KIF1B: variants seen among roughly 807,000 people sequenced by gnomAD.
KIF1B encodes kinesin-like protein KIF1B.
Under a neutral mutation model 241.9 loss-of-function variants are expected in KIF1B, and 76 were observed. That is an observed-to-expected ratio of 0.31 (90% CI 0.26 to 0.38). The LOEUF (loss-of-function observed/expected upper bound fraction) is 0.38, where lower values mean the gene tolerates loss of function less well. Ranked by LOEUF, KIF1B falls within the 10% of genes least tolerant of loss-of-function variation. The pLI, the probability that KIF1B is intolerant of heterozygous loss-of-function variation, is 1.00. For synonymous variants in KIF1B, 750 were observed against 796.7 expected, an observed-to-expected ratio of 0.94 and a Z score of 0.99; for missense variants, 1,622 against 2,271.4, an observed-to-expected ratio of 0.71 and a Z score of 5.81.
At chr1:10,362,949 G>C (rs750916362) in intron 40 of KIF1B, among the ~76,000 whole-genome samples, 4 of 152,106 alleles carry the variant, frequency 2.6e-5, no homozygotes, top group Non-Finnish European at 5.9e-5. Context: ...GTGTATGCCT[G>C]AAGTCCCAAC....
Position 10,312,330 on chromosome 1 carries a change from G to C in KIF1B, c.2116-7713G>C, listed in dbSNP as rs1411454960. Among the ~76,000 whole-genome samples, 3 of 151,376 alleles carry C rather than the reference G, an allele frequency of 2.0e-5. No individual in the cohort carries two copies. The East Asian group carries it at 5.8e-4, about 29-fold the overall frequency. On this transcript the variant is annotated intron_variant, in intron 22 of 48. Coordinates refer to ENST00000676179, the MANE Select transcript of KIF1B (RefSeq NM_001365951.3). ...GACTCCATCTCTTTTCACCACCTTT[G>C]CTGCTAATAACCTGGTCCAAGCCAC... is the stretch of plus-strand genomic sequence containing the variant.
chr1:10,353,870 C>G (rs954091154), intron 38 of KIF1B, among the ~76,000 whole-genome samples: 8 of 152,090 alleles, frequency 5.3e-5, no homozygotes, highest in Non-Finnish European at 1.2e-4. Flanking sequence ...AAATCACGAG[C>G]AATACTATTT....
At chr1:10,344,701 G>A (rs1652525285) in intron 34 of KIF1B, 1 of 152,190 alleles carries the variant, frequency 6.6e-6, no homozygotes, top group Non-Finnish European at 1.5e-5. Context: ...GCTGAATACT[G>A]CTGATAGGGT....
At chr1:10,266,262 G>T (rs1035578516) in intron 5 of KIF1B, among the ~76,000 whole-genome samples, 2 of 152,180 alleles carry the variant, frequency 1.3e-5, no homozygotes, top group Admixed American at 6.5e-5. Context: ...CAAGCCATTC[G>T]CAAGACTATT....
At chr1:10,322,263 G>A (rs1049163007) in intron 24 of KIF1B, among the ~76,000 whole-genome samples, 1 of 152,148 alleles carries the variant, frequency 6.6e-6, no homozygotes, top group Non-Finnish European at 1.5e-5. Context: ...AGGCACTGCT[G>A]TGTAGTGGAC....
rs1297613478 is a variant in KIF1B, at chr1:10,356,616, A to G, written c.4055+3880A>G. Reference sequence around the variant, plus strand: ...AGATGCTTTAAAAAAAGAAAAAAAAATGCGGCCGGGCACGGTGGCTCACAC... The same window carrying G: ...AGATGCTTTAAAAAAAGAAAAAAAAGTGCGGCCGGGCACGGTGGCTCACAC... On this transcript the variant is annotated intron_variant, in intron 38 of 48. Transcript: ENST00000676179. Among the ~76,000 whole-genome samples the G allele has an allele frequency of 4.6e-5, 7 of 151,670 alleles. No homozygotes were observed. The East Asian group carries it at 7.8e-4, about 17-fold the overall frequency.
chr1:10,349,636 T>TC (rs1553169198), intron 37 of KIF1B, among the ~76,000 whole-genome samples: 4 of 151,928 alleles, frequency 2.6e-5, no homozygotes, highest in African/African-American at 9.7e-5. Context: ...TTTTTTTTTT[T>TC]TCCAGACACA....
At chr1:10,240,069 A>G (rs573296024) in intron 2 of KIF1B, among the ~76,000 whole-genome samples, 11 of 150,824 alleles carry the variant, frequency 7.3e-5, no homozygotes, top group African/African-American at 2.7e-4. Flanking sequence ...CCTAGCTGCT[A>G]ATTTTTGTAT....
chr1:10,368,512 G>T lies in KIF1B; in HGVS notation c.4798G>T (p.Val1600Leu). 6.2e-7 allele frequency: 1 copy of T among 1,614,022 alleles called. No individual in the cohort carries two copies. The highest frequency in any genetic ancestry group is 8.5e-7 in the Non-Finnish European group (1 of 1,179,924). ...CACTTTCAACAGAGAATTCAGCCAG[G>T]TGCACGGCAGCGTCAGTGACTGTAA... The part of the protein sequence containing the change: ...THTFNREFSQ[V>L]HGSVSDCKLS... Residue 1600 changes from valine (V) to leucine (L), a missense_variant, in exon 44 of 49, where the codon GTG (valine) becomes TTG (leucine). Transcript: ENST00000676179.
intron 22 of KIF1B, among the ~76,000 whole-genome samples, chr1:10,314,988 T>TAATCCCAGC (rs1557708947): frequency 6.6e-6 from 1 of 151,070 alleles, no homozygotes. Context: ...CCATGTAATG[T>TAATCCCAGC]ATAGTTTTTC....
At chr1:10,258,082 A>G (rs1211932845) in intron 3 of KIF1B, among the ~76,000 whole-genome samples, 1 of 152,342 alleles carries the variant, frequency 6.6e-6, no homozygotes, top group Admixed American at 6.5e-5. Flanking sequence ...TTATTGAGAA[A>G]TAGTCCCAGT....
Position 10,365,333 on chromosome 1 carries a change from C to T in KIF1B, c.4513-76C>T. On this transcript the variant is annotated intron_variant, in intron 42 of 48. Transcript: ENST00000676179. The surrounding 1 kb of genome is among the most constrained non-coding windows in gnomAD (Gnocchi z 4.0). ...CTTCCTCCCCGCTGCTGCATGTGAT[C>T]ATAGCTTTTCACTTTTCTCTCCTGA... The T allele has an allele frequency of 2.5e-6, 4 of 1,613,666 alleles. No homozygotes were observed. In the South Asian group the frequency reaches 4.4e-5, roughly 18 times the overall value.
At chr1:10,350,356 G>A (rs1404486636) in intron 37 of KIF1B, among the ~76,000 whole-genome samples, 3 of 151,248 alleles carry the variant, frequency 2.0e-5, no homozygotes, top group Admixed American at 6.6e-5. Context: ...TCAGGAGATC[G>A]AGACCATCCT....
At chr1:10,257,655 GT>G (rs1455899222) in intron 3 of KIF1B, among the ~76,000 whole-genome samples, 1 of 151,804 alleles carries the variant, frequency 6.6e-6, no homozygotes, top group Non-Finnish European at 1.5e-5. Flanking sequence ...TTTGTTACAT[GT>G]TTTTGGTTTT....
Position 10,365,637 on chromosome 1 carries a change from C to T in KIF1B, c.4741C>T (p.Leu1581=). ...AAGCCTGGTGGACCGAGAGAAAGAGCTGGCTACCAAGGTGTGAATCCCTTC... is the reference window on the plus strand; with the variant it reads ...AAGCCTGGTGGACCGAGAGAAAGAGTTGGCTACCAAGGTGTGAATCCCTTC... ...IESLVDREKE[L]ATKCLQLLTH... Residue 1581 remains leucine, a synonymous_variant, in exon 43 of 49, where the codon CTG becomes TTG. Coordinates refer to ENST00000676179, the MANE Select transcript of KIF1B (RefSeq NM_001365951.3). This position sits in a 1 kb window ranked among gnomAD's most constrained non-coding sequence, Gnocchi z 4.0. 6.2e-7 allele frequency: 1 copy of T among 1,614,166 alleles called. No individual in the cohort carries two copies. The highest frequency in any genetic ancestry group is 8.5e-7 in the Non-Finnish European group (1 of 1,180,030).
At chr1:10,241,312 C>A (rs1463746351) in intron 2 of KIF1B, among the ~76,000 whole-genome samples, 1 of 152,014 alleles carries the variant, frequency 6.6e-6, no homozygotes, top group Non-Finnish European at 1.5e-5. Flanking sequence ...CTATATTGCC[C>A]AGGCTGGTCT....
At chr1:10,283,411 T>C (rs1249774538) in intron 15 of KIF1B, among the ~76,000 whole-genome samples, 2 of 152,234 alleles carry the variant, frequency 1.3e-5, no homozygotes, top group Non-Finnish European at 2.9e-5. Context: ...TGCAGATTAC[T>C]GGCCTATGGC....
In KIF1B at chr1:10,326,217, C is replaced by G. The variant is rs754138952; in HGVS notation, c.2782C>G (p.Gln928Glu). 6.2e-7 allele frequency: 1 copy of G among 1,614,014 alleles called. No individual in the cohort carries two copies. The highest frequency in any genetic ancestry group is 8.5e-7 in the Non-Finnish European group (1 of 1,180,032). The change falls in exon 27 of 49, where the codon CAA becomes GAA. Residue 928 changes from glutamine (Q) to glutamate (E), a missense_variant. By Grantham distance (29) the Gln-to-Glu change is conservative. Coordinates refer to ENST00000676179, the MANE Select transcript of KIF1B (RefSeq NM_001365951.3). The surrounding 1 kb of genome is among the most constrained non-coding windows in gnomAD (Gnocchi z 5.2). ...SDITELADEQ[Q>E]DEMEDFDDEA... Reference sequence around the variant, plus strand: ...CATCACTGAGCTGGCTGACGAGCAGCAAGATGAGATGGAGGATTTTGATGA... The same window carrying G: ...CATCACTGAGCTGGCTGACGAGCAGGAAGATGAGATGGAGGATTTTGATGA...
In KIF1B at chr1:10,346,511, C is replaced by T. The variant is rs533391711; in HGVS notation, c.3797+558C>T. ...TCCTGTGTAGCTGGGATTACAGGTG[C>T]GTGCCACCACGCCAGGCTAATTTTT... On this transcript the variant is annotated intron_variant, in intron 35 of 48. Coordinates refer to ENST00000676179, the MANE Select transcript of KIF1B (RefSeq NM_001365951.3). Among the ~76,000 whole-genome samples the T allele has an allele frequency of 3.9e-5, 6 of 152,140 alleles. No homozygotes were observed. In the East Asian group the frequency reaches 9.7e-4, roughly 25 times the overall value.
Sources: gnomAD v4.1 joint callset for allele counts (sites outside exome capture counted in the v4.1 genomes callset) on GRCh38, gnomAD v4.1.1 for gene constraint, Gnocchi (gnomAD v3.1) non-coding constraint, MANE v1.5 for transcripts, NCBI Gene and HGNC (gene_info 2026-07-23, HGNC 2026-07-21) for gene names.